The following DPP6 variants were observed in gnomAD, a reference collection of about 807,000 sequenced individuals.
DPP6 encodes A-type potassium channel modulatory protein DPP6.
A neutral mutation model predicts 122.6 loss-of-function variants in DPP6; 69 were observed. The ratio of observed to expected loss-of-function variants is 0.56; its 90% CI spans 0.46 to 0.69. The LOEUF (loss-of-function observed/expected upper bound fraction) is 0.69, where lower values mean the gene tolerates loss of function less well. DPP6 is among the 30% of genes least tolerant of loss of function. DPP6 has a pLI of 0.00. For synonymous variants in DPP6, 418 were observed against 433.1 expected, an observed-to-expected ratio of 0.97 and a Z score of 0.43; for missense variants, 928 against 1,116.9, an observed-to-expected ratio of 0.83 and a Z score of 2.41.
At chr7:154,718,263 C>CCTTTT (rs1306739687) in intron 7 of DPP6, among the ~76,000 whole-genome samples, 2 of 149,896 alleles carry the variant, frequency 1.3e-5, no homozygotes, top group African/African-American at 4.9e-5. Flanking sequence ...ACTGTAATCG[C>CCTTTT]CTTTTTCTAT....
intron 6 of DPP6, among the ~76,000 whole-genome samples, chr7:154,644,900 G>A (rs1476873454): frequency 4.6e-5 from 7 of 151,892 alleles, no homozygotes; most frequent in African/African-American, 1.7e-4. Context: ...TAGTAGATAC[G>A]ACGTTTCACT....
intron 5 of DPP6, among the ~76,000 whole-genome samples, chr7:154,572,844 T>A (rs915662911): frequency 6.6e-6 from 1 of 151,564 alleles, no homozygotes; most frequent in African/African-American, 2.4e-5. Flanking sequence ...CACACCTGGC[T>A]AATTTTTGTA....
intron 1 of DPP6, among the ~76,000 whole-genome samples, chr7:154,365,468 G>GC (rs369001418): frequency 1.6e-4 from 24 of 152,226 alleles, no homozygotes; most frequent in African/African-American, 5.5e-4. Flanking sequence ...GGAGAGATGA[G>GC]CCCCCCTTCT....
chr7:154,437,495 A>G (rs1430978239), intron 1 of DPP6, among the ~76,000 whole-genome samples: 1 of 152,140 alleles, frequency 6.6e-6, no homozygotes, highest in Non-Finnish European at 1.5e-5. Flanking sequence ...CTGGTGGATG[A>G]TGACAAATTT....
intron 1 of DPP6, among the ~76,000 whole-genome samples, chr7:154,356,642 A>C (rs767961123): frequency 6.6e-6 from 1 of 152,224 alleles, no homozygotes; most frequent in Non-Finnish European, 1.5e-5. Context: ...TCTATCTAAG[A>C]AGTTAAATGT....
intron 1 of DPP6, among the ~76,000 whole-genome samples, chr7:154,071,327 T>C (rs1477903153): frequency 6.6e-6 from 1 of 152,184 alleles, no homozygotes; most frequent in Admixed American, 6.5e-5. Context: ...TTTACAAATA[T>C]GGAAACTAGC....
chr7:154,660,695 C>T (rs1216037175), intron 6 of DPP6, among the ~76,000 whole-genome samples: 3 of 120,578 alleles, frequency 2.5e-5, no homozygotes, highest in African/African-American at 7.3e-5. Flanking sequence ...TGGTGAATCA[C>T]CATGGCATAT....
chr7:154,337,718 TA>T (rs558064598), intron 1 of DPP6, among the ~76,000 whole-genome samples: 109 of 152,348 alleles, frequency 7.2e-4, no homozygotes, highest in African/African-American at 2.5e-3. Flanking sequence ...ACGCAAGGGA[TA>T]AAAGATGGAG....
At chr7:154,630,547 G>T (rs971896651) in intron 5 of DPP6, among the ~76,000 whole-genome samples, 6 of 152,180 alleles carry the variant, frequency 3.9e-5, no homozygotes, top group Non-Finnish European at 7.3e-5. Flanking sequence ...TCTCTCTAAT[G>T]CCCAGTGATG....
chr7:154,157,639 TTGTAC>T lies in DPP6; in HGVS notation c.243+104578_243+104582del, dbSNP rs1462705531. ...ATTTCTCCATAACATGCTTAAATAT[TTGTAC>T]TTATTTGGGCTGGGTACGGTGGCTC... On this transcript the variant is annotated intron_variant, in intron 1 of 25. Transcript: ENST00000377770. 1.6e-4 allele frequency among the ~76,000 whole-genome samples: 25 copies of T among 152,176 alleles called. No homozygotes were observed. In the South Asian group the frequency reaches 1.9e-3, roughly 11 times the overall value.
chr7:154,250,534 C>T (rs989747064), intron 1 of DPP6, among the ~76,000 whole-genome samples: 1 of 152,064 alleles, frequency 6.6e-6, no homozygotes, highest in Non-Finnish European at 1.5e-5. Flanking sequence ...AAATGGATTT[C>T]CTTACTTTTT....
intron 1 of DPP6, among the ~76,000 whole-genome samples, chr7:154,247,379 A>G (rs2150888180): frequency 6.6e-6 from 1 of 152,364 alleles, no homozygotes; most frequent in Non-Finnish European, 1.5e-5. Flanking sequence ...TGTGTGACAA[A>G]GGACTTGTAT....
intron 2 of DPP6, among the ~76,000 whole-genome samples, chr7:154,458,870 C>T (rs1215710395): frequency 6.6e-6 from 1 of 152,196 alleles, no homozygotes; most frequent in Non-Finnish European, 1.5e-5. Context: ...GCTCCTAGCT[C>T]AGCTCTCTAG....
the DPP6 span, among the ~76,000 whole-genome samples, chr7:153,852,224 T>C: frequency 6.6e-6 from 1 of 152,188 alleles, no homozygotes; most frequent in South Asian, 2.1e-4. Flanking sequence ...CCGGCAATCA[T>C]GCTGTACTAG....
chr7:153,937,437 C>CTTT (rs201001951), intron 1 of DPP6, among the ~76,000 whole-genome samples: 16 of 115,510 alleles, frequency 1.4e-4, no homozygotes, highest in Non-Finnish European at 1.7e-4. Flanking sequence ...TCAGAGCTAA[C>CTTT]TTTTTTTTTT....
chr7:154,157,164 C>T (rs1396897153), intron 1 of DPP6, among the ~76,000 whole-genome samples: 1 of 152,258 alleles, frequency 6.6e-6, no homozygotes, highest in Non-Finnish European at 1.5e-5. Flanking sequence ...TACTGAAGGG[C>T]ACACATGTTT....
chr7:154,433,465 G>A lies in DPP6; in HGVS notation c.244-12749G>A, dbSNP rs115706699. The stretch of plus-strand genomic sequence containing the variant: ...ATTACAGGCATGAGCCCCCTCGCCC[G>A]GCCTCATACTTCATTGTTTATAAGC... On this transcript the variant is annotated intron_variant, in intron 1 of 25. Transcript: ENST00000377770. Among the ~76,000 whole-genome samples, 833 of 151,838 alleles carry A rather than the reference G, an allele frequency of 5.5e-3. 9 individuals are homozygous for A. The highest frequency in any genetic ancestry group is 0.019 in the African/African-American group (798 of 41,362).
chr7:154,558,641 A>G (rs1003082226), intron 4 of DPP6, among the ~76,000 whole-genome samples: 5 of 152,248 alleles, frequency 3.3e-5, no homozygotes, highest in Non-Finnish European at 5.9e-5. Flanking sequence ...CAGTAGAGTA[A>G]CATGCTGTAC....
chr7:153,965,832 CAG>C (rs903221242), intron 1 of DPP6, among the ~76,000 whole-genome samples: 39 of 151,978 alleles, frequency 2.6e-4, no homozygotes, highest in Non-Finnish European at 2.4e-4. Flanking sequence ...TGAGTGGTAA[CAG>C]AACCTGTAGC....
Sources: gnomAD v4.1 joint callset for allele counts (sites outside exome capture counted in the v4.1 genomes callset) on GRCh38, gnomAD v4.1.1 for gene constraint, MANE v1.5 for transcripts, NCBI Gene and HGNC (gene_info 2026-07-23, HGNC 2026-07-21) for gene names.